SLC49A3: variants seen among roughly 807,000 people sequenced by gnomAD.
SLC49A3 encodes the protein solute carrier family 49 member A3.
Under a neutral mutation model 43.8 loss-of-function variants are expected in SLC49A3, and 50 were observed. The observed-to-expected ratio is 1.14, with a 90% CI of 0.91 to 1.45. The LOEUF (loss-of-function observed/expected upper bound fraction) is 1.45. SLC49A3 is among the 40% of genes most tolerant of loss of function. The pLI is 0.00. For missense variants in SLC49A3, 906 were observed against 774.1 expected (o/e 1.17, Z -2.02); for synonymous variants, 413 against 352.0 (o/e 1.17, Z -1.94).
At chr4:683,123 C>A (rs190712642) in intron 8 of SLC49A3, 87 bp downstream of exon 8, 1 of 1,558,556 alleles carries the variant, frequency 6.4e-7, no homozygotes, top group Admixed American at 1.8e-5. Flanking sequence ...GAAAAGGGGC[C>A]TGGACCACAT....
chr4:678,568 T>G, downstream of SLC49A3: 1 of 1,516,270 alleles, frequency 6.6e-7, no homozygotes, highest in Non-Finnish European at 8.8e-7. Flanking sequence ...GGTCCACCCT[T>G]CATCTGAGTT....
intron 3 of SLC49A3, 32 bp downstream of exon 3, chr4:686,057 C>T: frequency 6.2e-7 from 1 of 1,611,790 alleles, no homozygotes; most frequent in Non-Finnish European, 8.5e-7. Flanking sequence ...TGAGGTGAGC[C>T]CAGGCAGGCG....
rs1220115859 is a variant in SLC49A3 at position 685,295 on chromosome 4, GCACAGACA to G, written c.586-447_586-440del. 1.3e-5 allele frequency among the ~76,000 whole-genome samples: 2 copies of G among 152,044 alleles called. No homozygotes were observed. The highest frequency in any genetic ancestry group is 4.8e-5 in the African/African-American group (2 of 41,378). On this transcript the variant is annotated intron_variant, in intron 4 of 9. Coordinates refer to ENST00000322224, the MANE Select transcript of SLC49A3 (RefSeq NM_032219.4). This position sits in a 1 kb window ranked among gnomAD's most constrained non-coding sequence, Gnocchi z 4.3. ...ACACACAGGTACACACCACACATGTGCACAGACACACAGACACATATGCACACATCACA... is the reference window on the plus strand; with the variant it reads ...ACACACAGGTACACACCACACATGTGCACAGACACATATGCACACATCACA...
downstream of SLC49A3, among the ~76,000 whole-genome samples, chr4:681,424 C>A (rs928600718): frequency 6.6e-6 from 1 of 151,908 alleles, no homozygotes; most frequent in Non-Finnish European, 1.5e-5. Context: ...CACAGCTGTG[C>A]GGTCCGGAGC....
At chr4:679,176 G>C, downstream of SLC49A3, 1 of 837,762 alleles carries the variant, frequency 1.2e-6, no homozygotes, top group Non-Finnish European at 2.0e-6. Flanking sequence ...GCTGCAAGGT[G>C]ATGGCCCTGG....
In SLC49A3 at chr4:687,737, C is replaced by A. The variant is rs545446320; in HGVS notation, c.136-1047G>T. ...CCTGCCTGCGCTCGCCCCCTTGGGT[C>A]CTTTGAGTCTCATCCAGAGCACTGG... On this transcript the variant is annotated intron_variant, in intron 1 of 9. Coordinates refer to ENST00000322224, the MANE Select transcript of SLC49A3 (RefSeq NM_032219.4). Among the ~76,000 whole-genome samples the A allele has an allele frequency of 4.6e-5, 7 of 152,318 alleles. No individual in the cohort carries two copies. The East Asian group carries it at 1.4e-3, about 29-fold the overall frequency.
At position 685,759 on chromosome 4, in the gene SLC49A3, C is replaced by G; in HGVS notation, c.585+76G>C. ...ACACGGGCACAGGAACACGGACACA[C>G]TTGGGATCAGGAACACACAGACGTG... is the stretch of plus-strand genomic sequence containing the variant. On this transcript the variant is annotated intron_variant, in intron 4 of 9. Coordinates refer to ENST00000322224, the MANE Select transcript of SLC49A3 (RefSeq NM_032219.4). The surrounding 1 kb of genome is among the most constrained non-coding windows in gnomAD (Gnocchi z 4.3). 6.7e-7 allele frequency: 1 copy of G among 1,496,942 alleles called. No homozygotes were observed. The highest frequency in any genetic ancestry group is 9.3e-7 in the Non-Finnish European group (1 of 1,078,480). The allele number at this position is 1,496,942 out of a possible 1,614,324, so 92.7% of individuals were successfully genotyped here.
downstream of SLC49A3, chr4:678,884 G>A: frequency 6.2e-7 from 1 of 1,609,638 alleles, no homozygotes; most frequent in Non-Finnish European, 8.5e-7. Flanking sequence ...CAGGGGTGCT[G>A]AGGAACCGGG....
At chr4:679,918 G>T (rs948111629), downstream of SLC49A3, 2 of 1,613,578 alleles carry the variant, frequency 1.2e-6, no homozygotes, top group African/African-American at 2.7e-5. Context: ...TAACAGGCAA[G>T]ACCAACGTCA....
rs539255026 is a variant in SLC49A3 at position 685,003 on chromosome 4, G to C, written c.586-147C>G. ...CCTCTGGTCTGCAGCTGCCCTTTGC[G>C]AGGCCCAGGCTGGGAGGGGCCTGCT... On this transcript the variant is annotated intron_variant, in intron 4 of 9. Coordinates refer to ENST00000322224, the MANE Select transcript of SLC49A3 (RefSeq NM_032219.4). The surrounding 1 kb of genome is among the most constrained non-coding windows in gnomAD (Gnocchi z 4.3). 7 of 1,149,974 alleles carry C rather than the reference G, an allele frequency of 6.1e-6. 1 individual carries two copies. In the South Asian group the frequency reaches 1.0e-4, roughly 16 times the overall value. 71.2% of individuals were successfully genotyped at this position (1,149,974 alleles called of 1,614,324 possible). A position where few individuals can be genotyped will look rare whatever the true frequency, so the allele number is the denominator to read the frequency against.
chr4:682,896 C>T lies in SLC49A3; in HGVS notation c.1152-6G>A, dbSNP rs1478913878. 2.5e-6 allele frequency: 4 copies of T among 1,579,728 alleles called. No individual in the cohort carries two copies. The highest frequency in any genetic ancestry group is 1.1e-5 in the South Asian group (1 of 88,502). On this transcript the variant is annotated splice_region_variant and splice_polypyrimidine_tract_variant and intron_variant, in intron 8 of 9. Transcript: ENST00000322224. ...TGAGTATTCCCTCGGCCTGCCTGGACACACGTGGCCCTCAGCCCCCGCTGC... is the reference window on the plus strand; with the variant it reads ...TGAGTATTCCCTCGGCCTGCCTGGATACACGTGGCCCTCAGCCCCCGCTGC...
At chr4:683,418 ACTG>A in intron 7 of SLC49A3, 51 bp from the exon 8 acceptor site, 1 of 1,579,852 alleles carries the variant, frequency 6.3e-7, no homozygotes, top group Non-Finnish European at 8.6e-7. Context: ...GGCAGTCAGA[ACTG>A]GACCTGGCTT....
At chr4:677,129 T>TGTTACCTACTGCGTCCC (rs1364568329), downstream of SLC49A3, among the ~76,000 whole-genome samples, 2 of 152,206 alleles carry the variant, frequency 1.3e-5, no homozygotes, top group Non-Finnish European at 2.9e-5. Flanking sequence ...CCCTGGGTCC[T>TGTTACCTACTGCGTCCC]GTTACCTACT....
chr4:681,223 C>G (rs1045736204), downstream of SLC49A3: 25 of 1,508,304 alleles, frequency 1.7e-5, no homozygotes, highest in Non-Finnish European at 2.2e-5. Flanking sequence ...GACGCGGAGC[C>G]CGAGGAGCAG....
At chr4:689,325 G>C, upstream of SLC49A3, 1 of 337,702 alleles carries the variant, frequency 3.0e-6, no homozygotes, top group Non-Finnish European at 5.2e-6. Flanking sequence ...AGCGGGGGAA[G>C]GGCGGGCAAA....
downstream of SLC49A3, chr4:678,120 T>C (rs1013162092): frequency 1.1e-5 from 18 of 1,576,020 alleles, no homozygotes; most frequent in Non-Finnish European, 1.2e-5. Flanking sequence ...CGTGGGCGTG[T>C]CCGTGCTTGC....
downstream of SLC49A3, chr4:679,935 A>G: frequency 6.2e-7 from 1 of 1,613,776 alleles, no homozygotes; most frequent in Non-Finnish European, 8.5e-7. Context: ...GTCAAGGACG[A>G]CGAGCTGGAC....
downstream of SLC49A3, chr4:681,817 AC>A: frequency 1.6e-6 from 2 of 1,253,402 alleles, no homozygotes; most frequent in East Asian, 6.2e-5. Context: ...CAGAAACCAC[AC>A]CCGGGGCCGC....
chr4:686,007 T>C (rs1213871472), intron 3 of SLC49A3, 82 bp downstream of exon 3: 3 of 1,603,986 alleles, frequency 1.9e-6, no homozygotes, highest in Non-Finnish European at 2.6e-6. Context: ...TCCTCCACCC[T>C]GGCCAGAGAG....
Sources: gnomAD v4.1 joint callset for allele counts (sites outside exome capture counted in the v4.1 genomes callset) on GRCh38, gnomAD v4.1.1 for gene constraint, Gnocchi (gnomAD v3.1) non-coding constraint, MANE v1.5 for transcripts, NCBI Gene and HGNC (gene_info 2026-07-23, HGNC 2026-07-21) for gene names.